TPO: variants seen among roughly 807,000 people sequenced by gnomAD.
TPO encodes thyroid microsomal antigen.
TPO carries 78 observed loss-of-function variants against 96.9 expected under a neutral mutation model. The ratio of observed to expected loss-of-function variants is 0.81; its 90% CI spans 0.67 to 0.97. The LOEUF is 0.97. Among genes scored for constraint, TPO ranks in the 50% least tolerant of loss-of-function variants. The pLI is 0.00. For synonymous variants in TPO, 547 were observed against 538.0 expected, an observed-to-expected ratio of 1.02 and a Z score of -0.23; for missense variants, 1,252 against 1,274.8, an observed-to-expected ratio of 0.98 and a Z score of 0.27.
chr2:1,512,877 C>T (rs1401609792), intron 14 of TPO, among the ~76,000 whole-genome samples: 1 of 152,196 alleles, frequency 6.6e-6, no homozygotes, highest in Non-Finnish European at 1.5e-5. Flanking sequence ...CCACCAGCAC[C>T]CTTATGATTA....
intron 14 of TPO, among the ~76,000 whole-genome samples, chr2:1,513,057 C>T (rs907077793): frequency 6.6e-6 from 1 of 152,292 alleles, no homozygotes; most frequent in African/African-American, 2.4e-5. Context: ...GTACAGATGG[C>T]GCAGCCATCA....
At chr2:1,413,636 G>A (rs1395996006) in intron 1 of TPO, 91 bp downstream of exon 1, 2 of 982,758 alleles carry the variant, frequency 2.0e-6, no homozygotes, top group African/African-American at 3.5e-5. Context: ...TGTAATTTGG[G>A]CCATTATAGC....
chr2:1,450,812 C>T (rs950687358), intron 5 of TPO, among the ~76,000 whole-genome samples: 3 of 152,184 alleles, frequency 2.0e-5, no homozygotes, highest in Non-Finnish European at 2.9e-5. Context: ...CTAACACCTC[C>T]CTATGAGCCA....
Position 1,485,611 on chromosome 2 carries a change from G to A in TPO, c.1597+757G>A, listed in dbSNP as rs531690152. ...ATGATCGCCATTCTAACTGGTGTGA[G>A]ATGGTATCTCATTGTGGTTTTGATT... On this transcript the variant is annotated intron_variant, in intron 9 of 16. Coordinates refer to ENST00000329066, the MANE Select transcript of TPO (RefSeq NM_001206744.2). Among the ~76,000 whole-genome samples, 10 of 151,764 alleles carry A rather than the reference G, an allele frequency of 6.6e-5. No individual in the cohort carries two copies. The South Asian group carries it at 2.1e-3, about 31-fold the overall frequency.
chr2:1,540,774 A>G, intron 16 of TPO, 51 bp downstream of exon 16: 1 of 1,613,084 alleles, frequency 6.2e-7, no homozygotes, highest in South Asian at 1.1e-5. Context: ...GTGGTTGGAC[A>G]GGATCTGGGT....
At chr2:1,542,117 G>A in intron 16 of TPO, 1 of 507,764 alleles carries the variant, frequency 2.0e-6, no homozygotes. Context: ...TTCATCTGTG[G>A]TCGCAGGGAC....
intron 2 of TPO, among the ~76,000 whole-genome samples, chr2:1,418,653 G>A (rs1663198732): frequency 6.6e-6 from 1 of 152,202 alleles, no homozygotes; most frequent in Non-Finnish European, 1.5e-5. Context: ...CACAGGCTGA[G>A]AGGCATTCCA....
At chr2:1,438,548 C>T (rs867677425) in intron 5 of TPO, among the ~76,000 whole-genome samples, 8 of 152,040 alleles carry the variant, frequency 5.3e-5, no homozygotes, top group South Asian at 2.1e-4. Flanking sequence ...GCTCTCCCTA[C>T]GGAGGTCGAC....
intron 1 of TPO, among the ~76,000 whole-genome samples, chr2:1,376,896 G>A (rs1202258399): frequency 6.6e-6 from 1 of 152,108 alleles, no homozygotes; most frequent in East Asian, 1.9e-4. Flanking sequence ...ATTCCCAAGG[G>A]CACTGGCAGG....
In TPO at chr2:1,440,653, G is replaced by A. The variant is rs911133613; in HGVS notation, c.482+4269G>A. On this transcript the variant is annotated intron_variant, in intron 5 of 16. Coordinates refer to ENST00000329066, the MANE Select transcript of TPO (RefSeq NM_001206744.2). ...AGCTACCACTTTAGAAGGGAATGGA[G>A]CAGGCTGCTTCTTGTTTATATGGTG... 2.6e-5 allele frequency among the ~76,000 whole-genome samples: 4 copies of A among 152,086 alleles called. 1 individual carries two copies. Among genetic ancestry groups the A allele is most frequent in the Admixed American group, 6.5e-5 (1 of 15,276 alleles).
rs755269371 is a variant in TPO, at chr2:1,453,745, T to C, written c.534T>C (p.Pro178=). Reference sequence around the variant, plus strand: ...ACACGGCCCTGGCACGATGGCTCCCTCCAGTCTATGAGGACGGCTTCAGTC... The same window carrying C: ...ACACGGCCCTGGCACGATGGCTCCCCCCAGTCTATGAGGACGGCTTCAGTC... The part of the protein sequence containing the change: ...ASNTALARWL[P]PVYEDGFSQP... Residue 178 remains proline, a synonymous_variant, in exon 6 of 17, where the codon CCT becomes CCC. Coordinates refer to ENST00000329066, the MANE Select transcript of TPO (RefSeq NM_001206744.2). 7.4e-6 allele frequency: 12 copies of C among 1,613,848 alleles called. No homozygotes were observed. The Admixed American group carries it at 2.0e-4, about 27-fold the overall frequency.
Position 1,439,668 on chromosome 2 carries a change from C to T in TPO, c.482+3284C>T, listed in dbSNP as rs919224612. The stretch of plus-strand genomic sequence containing the variant: ...GCCTCGTGGTCATCAGACCCCAGGT[C>T]GCTGCTGTCTCTGGAGTTGCCTGCC... On this transcript the variant is annotated intron_variant, in intron 5 of 16. Coordinates refer to ENST00000329066, the MANE Select transcript of TPO (RefSeq NM_001206744.2). Among the ~76,000 whole-genome samples the T allele has an allele frequency of 2.0e-5, 3 of 152,272 alleles. 1 individual carries two copies. The highest frequency in any genetic ancestry group is 6.8e-3 in the Middle Eastern group (2 of 294).
chr2:1,380,318 C>T (rs540900610), intron 1 of TPO, among the ~76,000 whole-genome samples: 319 of 149,116 alleles, frequency 2.1e-3, no homozygotes, highest in African/African-American at 5.0e-3. Context: ...GGCATGAACC[C>T]GGGAGGCAGA....
chr2:1,495,839 G>C (rs75452276), intron 11 of TPO, 150 bp from the exon 12 acceptor site: 11 of 843,400 alleles, frequency 1.3e-5, no homozygotes, highest in Non-Finnish European at 1.7e-5. Flanking sequence ...GGTCCTCAGC[G>C]CCTGCACCTG....
At chr2:1,465,706 T>C (rs546399729) in intron 7 of TPO, among the ~76,000 whole-genome samples, 1 of 152,326 alleles carries the variant, frequency 6.6e-6, no homozygotes, top group South Asian at 2.1e-4. Flanking sequence ...TTGGTTGCTG[T>C]TGGCGTATAG....
At chr2:1,532,813 TCAAATCCCCCCACTCTGCACAATCTCCC>T (rs1678626087) in intron 15 of TPO, among the ~76,000 whole-genome samples, 3 of 30,476 alleles carry the variant, frequency 9.8e-5, no homozygotes, top group Non-Finnish European at 1.6e-4. Context: ...TGCAACCTCC[TCAAATCCCCCCACTCTGCACAATCTCCC>T]CAAATCCCCC....
chr2:1,499,349 T>C (rs1672652293), intron 13 of TPO, among the ~76,000 whole-genome samples: 1 of 152,168 alleles, frequency 6.6e-6, no homozygotes, highest in Admixed American at 6.5e-5. Flanking sequence ...AAAATCACTC[T>C]TCTGTTCTTG....
At position 1,493,873 on chromosome 2, in the gene TPO, G is replaced by T. The variant is rs752867884; in HGVS notation, c.1840G>T (p.Ala614Ser). ...CCCCGCTGACCTGAGCACAGCCATC[G>T]CCAGCAGGAGCGTGGCCGACAAGAT... The part of the protein sequence containing the change: ...ETPADLSTAI[A>S]SRSVADKILD... Residue 614 changes from alanine (A) to serine (S), a missense_variant, in exon 11 of 17, where the codon GCC (alanine) becomes TCC (serine). Coordinates refer to ENST00000329066, the MANE Select transcript of TPO (RefSeq NM_001206744.2). 1 of 1,614,058 alleles carries T rather than the reference G, an allele frequency of 6.2e-7. No homozygotes were observed. Among genetic ancestry groups the T allele is most frequent in the Non-Finnish European group, 8.5e-7 (1 of 1,180,040 alleles).
intron 5 of TPO, among the ~76,000 whole-genome samples, chr2:1,442,345 C>T (rs1283596462): frequency 1.3e-5 from 2 of 151,954 alleles, no homozygotes; most frequent in Admixed American, 6.6e-5. Flanking sequence ...GATCTGTGTG[C>T]CACAACAGCC....
Sources: allele counts gnomAD v4.1 joint callset (sites outside exome capture counted in the v4.1 genomes callset), GRCh38; gene constraint gnomAD v4.1.1; transcripts MANE v1.5; gene names NCBI Gene and HGNC (gene_info 2026-07-23, HGNC 2026-07-21).